Variants in ATP2B2 observed in about 807,000 individuals in gnomAD.
ATP2B2 encodes ATPase plasma membrane Ca2+ transporting 2, also known as plasma membrane calcium-transporting ATPase 2.
In ATP2B2, 15 loss-of-function variants were observed where a neutral mutation model predicts 120.0. The observed-to-expected ratio is 0.12, with a 90% CI of 0.08 to 0.19. The LOEUF is 0.19. Among genes scored for constraint, ATP2B2 ranks in the 10% least tolerant of loss-of-function variants. The pLI is 1.00. For missense variants in ATP2B2, 1,045 were observed against 1,719.8 expected (o/e 0.61, Z 6.94); for synonymous variants, 694 against 700.3 (o/e 0.99, Z 0.14).
At chr3:10,526,631 C>A (rs535623178) in intron 3 of ATP2B2, among the ~76,000 whole-genome samples, 20 of 152,160 alleles carry the variant, frequency 1.3e-4, no homozygotes, top group Non-Finnish European at 1.9e-4. Flanking sequence ...TGCCCAGAAC[C>A]AATGAAGTCA....
intron 2 of ATP2B2, among the ~76,000 whole-genome samples, chr3:10,442,516 G>T (rs558591996): frequency 3.9e-5 from 6 of 152,316 alleles, no homozygotes; most frequent in Non-Finnish European, 5.9e-5. Context: ...TGATGATTCA[G>T]AAGGATATGC....
At chr3:10,401,116 A>G in intron 4 of ATP2B2, 38 bp from the exon 5 acceptor site, 1 of 1,611,144 alleles carries the variant, frequency 6.2e-7, no homozygotes, top group Non-Finnish European at 8.5e-7. Context: ...GCAGGCTCTC[A>G]GGTGACTAGA....
Position 10,328,685 on chromosome 3 carries a change from T to C in ATP2B2, c.*129A>G. 1.0e-6 allele frequency: 1 copy of C among 976,014 alleles called. No homozygotes were observed. The highest frequency in any genetic ancestry group is 1.5e-6 in the Non-Finnish European group (1 of 673,748). 60.5% of individuals were successfully genotyped at this position (976,014 alleles called of 1,614,324 possible). A position where few individuals can be genotyped will look rare whatever the true frequency, so the allele number is the denominator to read the frequency against. ...TGTGGGTGGAAACGTTGGTTTTCTC[T>C]CCAGTATTTGGTTTCCGATTGTTGC... On this transcript the variant is annotated 3_prime_UTR_variant, in exon 23 of 23. Transcript: ENST00000360273.
intron 12 of ATP2B2, among the ~76,000 whole-genome samples, chr3:10,369,159 C>T (rs1215732972): frequency 6.6e-6 from 1 of 152,210 alleles, no homozygotes; most frequent in African/African-American, 2.4e-5. Context: ...ATTGCATGCC[C>T]TTCCTGCCCT....
At chr3:10,471,394 G>C (rs1575331665) in intron 1 of ATP2B2, among the ~76,000 whole-genome samples, 1 of 149,862 alleles carries the variant, frequency 6.7e-6, no homozygotes, top group East Asian at 2.0e-4. Context: ...GTGTGTGTGT[G>C]TGTGTTTGTG....
chr3:10,658,238 G>A (rs2070689343), intron 1 of ATP2B2, among the ~76,000 whole-genome samples: 1 of 152,240 alleles, frequency 6.6e-6, no homozygotes, highest in Admixed American at 6.5e-5. Flanking sequence ...CAACATAGCT[G>A]GACGGAGAAT....
chr3:10,578,144 C>T (rs1423937159), intron 2 of ATP2B2, among the ~76,000 whole-genome samples: 2 of 152,034 alleles, frequency 1.3e-5, no homozygotes, highest in Non-Finnish European at 2.9e-5. Context: ...AGTGGCGAAA[C>T]CTATAATGAC....
At chr3:10,376,628 G>A (rs985632138) in intron 10 of ATP2B2, among the ~76,000 whole-genome samples, 1 of 152,168 alleles carries the variant, frequency 6.6e-6, no homozygotes, top group African/African-American at 2.4e-5. Flanking sequence ...GCTCACACCC[G>A]CAGACTCTGA....
At chr3:10,679,809 A>G (rs1222564162) in intron 1 of ATP2B2, among the ~76,000 whole-genome samples, 2 of 152,166 alleles carry the variant, frequency 1.3e-5, no homozygotes, top group South Asian at 2.1e-4. Context: ...GCTTAAAAAC[A>G]TACATCTGGT....
intron 2 of ATP2B2, among the ~76,000 whole-genome samples, chr3:10,616,345 G>A (rs890333237): frequency 3.3e-5 from 5 of 152,206 alleles, no homozygotes; most frequent in Non-Finnish European, 2.9e-5. Context: ...TGAGGATATA[G>A]GAGAAGTCAG....
At chr3:10,408,222 C>T (rs2062484397) in intron 3 of ATP2B2, among the ~76,000 whole-genome samples, 1 of 152,226 alleles carries the variant, frequency 6.6e-6, no homozygotes, top group African/African-American at 2.4e-5. Flanking sequence ...TGCTCAGTCA[C>T]AGCTGGGCCC....
chr3:10,533,969 G>C (rs946503815), intron 3 of ATP2B2: 5 of 152,236 alleles, frequency 3.3e-5, no homozygotes, highest in Non-Finnish European at 4.4e-5. Flanking sequence ...CCCTCCATTG[G>C]CAACCCCCAC....
chr3:10,522,427 C>A (rs1418613070), intron 3 of ATP2B2, among the ~76,000 whole-genome samples: 1 of 152,180 alleles, frequency 6.6e-6, no homozygotes, highest in Non-Finnish European at 1.5e-5. Flanking sequence ...CCCTGGGATC[C>A]TCTCTTCCCT....
chr3:10,336,838 G>A (rs926818210), intron 22 of ATP2B2, among the ~76,000 whole-genome samples: 5 of 152,198 alleles, frequency 3.3e-5, no homozygotes, highest in Non-Finnish European at 2.9e-5. Context: ...TTAGCATTCC[G>A]CAAGAGGCAG....
At chr3:10,432,241 A>G (rs1322032050) in intron 2 of ATP2B2, among the ~76,000 whole-genome samples, 1 of 152,204 alleles carries the variant, frequency 6.6e-6, no homozygotes, top group African/African-American at 2.4e-5. Flanking sequence ...GAGATGCCAT[A>G]ATAAAGGGCA....
intron 2 of ATP2B2, among the ~76,000 whole-genome samples, chr3:10,430,015 G>C (rs1328330110): frequency 6.6e-6 from 1 of 152,188 alleles, no homozygotes; most frequent in Non-Finnish European, 1.5e-5. Flanking sequence ...AAGAAAAGTT[G>C]GAAGCTAGCA....
chr3:10,561,531 C>T (rs2067903549), intron 2 of ATP2B2, among the ~76,000 whole-genome samples: 1 of 152,066 alleles, frequency 6.6e-6, no homozygotes, highest in Non-Finnish European at 1.5e-5. Context: ...AGTGATTTGC[C>T]CAAGGTCACT....
At chr3:10,362,673 T>C (rs1227202603) in intron 12 of ATP2B2, among the ~76,000 whole-genome samples, 3 of 152,200 alleles carry the variant, frequency 2.0e-5, no homozygotes, top group East Asian at 1.9e-4. Context: ...CCGGCTCCCA[T>C]GGCCATACTG....
chr3:10,390,843 A>T (rs1367398959), intron 5 of ATP2B2, among the ~76,000 whole-genome samples: 1 of 152,106 alleles, frequency 6.6e-6, no homozygotes, highest in Admixed American at 6.5e-5. Flanking sequence ...TTCTCATCAC[A>T]GGCAGACCCT....
Sources: allele counts gnomAD v4.1 joint callset (sites outside exome capture counted in the v4.1 genomes callset), GRCh38; gene constraint gnomAD v4.1.1; transcripts MANE v1.5; gene names NCBI Gene and HGNC (gene_info 2026-07-23, HGNC 2026-07-21).